Variants in NEK11 observed in about 807,000 individuals in gnomAD.
NEK11 encodes NIMA related kinase 11.
A neutral mutation model predicts 80.7 loss-of-function variants in NEK11; 72 were observed. That is an observed-to-expected ratio of 0.89 (90% confidence interval 0.74 to 1.08). The LOEUF is 1.08. Ranked by LOEUF, NEK11 falls within the 50% of genes least tolerant of loss-of-function variation. The pLI is 0.00. For missense variants in NEK11, 764 were observed against 763.6 expected (o/e 1.00, Z -0.01); for synonymous variants, 251 against 260.7 (o/e 0.96, Z 0.36).
In NEK11 at chr3:131,132,181, A is replaced by G. The variant is rs561793854; in HGVS notation, c.456-564A>G. Among the ~76,000 whole-genome samples the G allele has an allele frequency of 3.3e-5, 5 of 152,094 alleles. No homozygotes were observed. The South Asian group carries it at 8.3e-4, about 25-fold the overall frequency. ...TTTATGTGAGCTCAACTGTGCATAT[A>G]TGAAGATATTTGTATACTTTATTCG... On this transcript the variant is annotated intron_variant, in intron 5 of 17. Transcript: ENST00000383366.
At chr3:131,066,041 T>C (rs1026895894) in intron 3 of NEK11, among the ~76,000 whole-genome samples, 14 of 152,202 alleles carry the variant, frequency 9.2e-5, no homozygotes, top group Admixed American at 2.0e-4. Context: ...TTCTCCTGTA[T>C]GAAAAGGATA....
chr3:131,065,303 A>G (rs947780401), intron 3 of NEK11, among the ~76,000 whole-genome samples: 1 of 152,236 alleles, frequency 6.6e-6, no homozygotes, highest in Admixed American at 6.5e-5. Flanking sequence ...TGACAAGGAA[A>G]ACATTCCTAG....
chr3:131,267,099 G>A (rs2096073625), intron 16 of NEK11, among the ~76,000 whole-genome samples: 1 of 152,060 alleles, frequency 6.6e-6, no homozygotes, highest in African/African-American at 2.4e-5. Flanking sequence ...TGTGAGATGG[G>A]TCTCCTGAAT....
intron 17 of NEK11, chr3:131,325,671 G>A (rs558061838): frequency 1.8e-4 from 27 of 152,128 alleles, no homozygotes; most frequent in Non-Finnish European, 3.8e-4. Context: ...ATAATTTAGT[G>A]GTAGCAAAGC....
intron 5 of NEK11, among the ~76,000 whole-genome samples, chr3:131,122,009 G>T (rs997549303): frequency 1.3e-5 from 2 of 152,228 alleles, no homozygotes; most frequent in African/African-American, 4.8e-5. Flanking sequence ...GCCCCAGTGA[G>T]ATGAACCCGG....
intron 5 of NEK11, among the ~76,000 whole-genome samples, chr3:131,121,985 C>T (rs1008365510): frequency 3.3e-5 from 5 of 152,204 alleles, no homozygotes; most frequent in Middle Eastern, 3.2e-3. Context: ...TGGGCTGCAC[C>T]CACTGTCCAG....
chr3:131,321,794 A>G (rs2096899931), intron 17 of NEK11, among the ~76,000 whole-genome samples: 1 of 152,340 alleles, frequency 6.6e-6, no homozygotes, highest in African/African-American at 2.4e-5. Flanking sequence ...ATGAGATACC[A>G]TCTCACATCA....
rs750813501 is a variant in NEK11 at position 131,273,516 on chromosome 3, C to T, written c.1660C>T (p.Pro554Ser). Reference protein sequence around the residue: ...TITTMAEDMSPGPPIFNSVMA... With the variant: ...TITTMAEDMSSGPPIFNSVMA... ...CACCACCATGGCTGAAGACATGTCC[C>T]CAGGACCACCAATTTTCAACAGTGT... The change falls in exon 17 of 18, where the codon CCA becomes TCA. Residue 554 changes from proline to serine, a missense_variant. Coordinates refer to ENST00000383366, the MANE Select transcript of NEK11 (RefSeq NM_024800.5). 28 of 1,613,856 alleles carry T rather than the reference C, an allele frequency of 1.7e-5. No homozygotes were observed. The highest frequency in any genetic ancestry group is 2.3e-5 in the Non-Finnish European group (27 of 1,179,916).
chr3:131,146,610 T>G (rs1223170779), intron 7 of NEK11, among the ~76,000 whole-genome samples: 1 of 152,178 alleles, frequency 6.6e-6, no homozygotes, highest in Non-Finnish European at 1.5e-5. Flanking sequence ...GTAAAAGTAT[T>G]TGGTTCAACT....
intron 14 of NEK11, 60 bp downstream of exon 14, chr3:131,170,947 C>T: frequency 7.9e-7 from 1 of 1,272,104 alleles, no homozygotes; most frequent in Non-Finnish European, 1.2e-6. Context: ...GTTGCTGTGG[C>T]CGACTTTGCA....
At chr3:131,235,031 G>A (rs1177167792) in intron 15 of NEK11, among the ~76,000 whole-genome samples, 5 of 152,142 alleles carry the variant, frequency 3.3e-5, no homozygotes, top group Admixed American at 1.3e-4. Context: ...AAGCAAATCT[G>A]AGCAGGAATG....
rs1029831619 is a variant in NEK11 at position 131,152,494 on chromosome 3, C to T, written c.754C>T (p.Leu252Phe). ...LKIVEGDTPS[L>F]PERYPKELNA... ...AATTGTTGAAGGTGACACACCTTCT[C>T]TCCCTGAGAGATATCCAAAAGAACT... The change falls in exon 8 of 18, where the codon CTC becomes TTC. Residue 252 changes from leucine (L) to phenylalanine (F), a missense_variant. Leu to Phe is a conservative substitution (Grantham distance 22). Coordinates refer to ENST00000383366, the MANE Select transcript of NEK11 (RefSeq NM_024800.5). 7 of 1,613,364 alleles carry T rather than the reference C, an allele frequency of 4.3e-6. No homozygotes were observed. In the East Asian group the frequency reaches 1.3e-4, roughly 31 times the overall value.
chr3:131,162,620 A>T (rs2091765306), intron 11 of NEK11, 93 bp downstream of exon 11: 17 of 1,387,932 alleles, frequency 1.2e-5, no homozygotes, highest in Non-Finnish European at 1.7e-5. Context: ...AAAACAGGAA[A>T]CCCCAATGCA....
intron 16 of NEK11, among the ~76,000 whole-genome samples, chr3:131,272,081 C>T (rs1327994832): frequency 2.0e-5 from 3 of 152,086 alleles, no homozygotes; most frequent in Admixed American, 2.0e-4. Context: ...GCCTGGGCAA[C>T]AAGAGCGAAA....
intron 11 of NEK11, 95 bp downstream of exon 11, chr3:131,162,622 C>A: frequency 7.3e-7 from 1 of 1,375,290 alleles, no homozygotes; most frequent in Non-Finnish European, 1.0e-6. Context: ...AACAGGAAAC[C>A]CCAATGCATA....
intron 7 of NEK11, among the ~76,000 whole-genome samples, chr3:131,146,056 G>A (rs1160010067): frequency 6.6e-6 from 1 of 152,026 alleles, no homozygotes; most frequent in Non-Finnish European, 1.5e-5. Context: ...TGGATCAGGG[G>A]TTGTTGCTCC....
intron 7 of NEK11, among the ~76,000 whole-genome samples, chr3:131,141,328 TAGAG>T (rs2086852433): frequency 6.6e-6 from 1 of 152,154 alleles, no homozygotes; most frequent in Non-Finnish European, 1.5e-5. Context: ...GCTACAGTCT[TAGAG>T]AGTGCATGAT....
chr3:131,336,196 T>A (rs1450962966), intron 17 of NEK11, among the ~76,000 whole-genome samples: 1 of 152,126 alleles, frequency 6.6e-6, no homozygotes, highest in African/African-American at 2.4e-5. Flanking sequence ...GCTGGAGGCA[T>A]CACGCTACCT....
chr3:131,216,869 C>T (rs947468843), intron 14 of NEK11, among the ~76,000 whole-genome samples: 5 of 152,180 alleles, frequency 3.3e-5, no homozygotes, highest in Admixed American at 6.5e-5. Flanking sequence ...TTCCCTTGGG[C>T]GCAGAGGGGG....
Sources: gnomAD v4.1 joint callset for allele counts (sites outside exome capture counted in the v4.1 genomes callset) on GRCh38, gnomAD v4.1.1 for gene constraint, MANE v1.5 for transcripts, NCBI Gene and HGNC (gene_info 2026-07-23, HGNC 2026-07-21) for gene names.